The following PTPDC1 variants were observed in gnomAD, a reference collection of about 807,000 sequenced individuals.
The protein encoded by PTPDC1 is protein tyrosine phosphatase domain-containing protein 1.
PTPDC1 carries 53 observed loss-of-function variants against 75.3 expected under a neutral mutation model. The ratio of observed to expected loss-of-function variants is 0.70; its 90% CI spans 0.56 to 0.88. The LOEUF is 0.88. Ranked by LOEUF, PTPDC1 falls within the 40% of genes least tolerant of loss-of-function variation. The probability of loss-of-function intolerance (pLI) is 0.00; values close to 1 mark genes in which losing one functional copy is unlikely to be tolerated. For missense variants in PTPDC1, 925 were observed against 998.6 expected (o/e 0.93, Z 0.99); for synonymous variants, 349 against 366.2 (o/e 0.95, Z 0.54).
intron 2 of PTPDC1, among the ~76,000 whole-genome samples, chr9:94,072,536 G>A (rs538407330): frequency 6.8e-6 from 1 of 147,848 alleles, no homozygotes; most frequent in African/African-American, 2.5e-5. Flanking sequence ...TTTTTTTCTT[G>A]CCTTATCATA....
At chr9:94,059,955 A>G (rs10821288) in intron 1 of PTPDC1, among the ~76,000 whole-genome samples, 11,553 of 152,192 alleles carry the variant, frequency 0.076, 589 homozygotes, top group East Asian at 0.14. Context: ...AAGGAAGGTG[A>G]CTGGTTTTGT....
chr9:94,072,451 TTTC>T (rs1826542682), intron 2 of PTPDC1, among the ~76,000 whole-genome samples: 1 of 152,202 alleles, frequency 6.6e-6, no homozygotes, highest in Non-Finnish European at 1.5e-5. Flanking sequence ...TCCTTGGGAT[TTTC>T]TTACATAAAC....
chr9:94,052,829 G>A (rs1317550593), intron 1 of PTPDC1, among the ~76,000 whole-genome samples: 1 of 152,080 alleles, frequency 6.6e-6, no homozygotes, highest in African/African-American at 2.4e-5. Flanking sequence ...GATCTGATGG[G>A]TATCAATTAG....
At chr9:94,051,879 G>C (rs1825802459) in intron 1 of PTPDC1, among the ~76,000 whole-genome samples, 1 of 152,068 alleles carries the variant, frequency 6.6e-6, no homozygotes, top group South Asian at 2.1e-4. Context: ...TTAGTGGTCT[G>C]TCATTTCCTT....
chr9:94,088,384 T>A (rs1827152198), intron 4 of PTPDC1, 121 bp downstream of exon 4: 1 of 1,173,600 alleles, frequency 8.5e-7, no homozygotes, highest in Non-Finnish European at 1.2e-6. Context: ...ATAGTAAGGT[T>A]TAGAAAAAAT....
In PTPDC1 at chr9:94,084,513, C is replaced by T. The variant is rs1826993144; in HGVS notation, c.-18C>T. 2 of 1,607,898 alleles carry T rather than the reference C, an allele frequency of 1.2e-6. No individual in the cohort carries two copies. Among genetic ancestry groups the T allele is most frequent in the Admixed American group, 3.3e-5 (2 of 59,966 alleles). ...TGGGGCTGACTCTTCCTGCCTCCGGCTCTTGCCTCCCAGTGCCATGCAGGT... is the reference window on the plus strand; with the variant it reads ...TGGGGCTGACTCTTCCTGCCTCCGGTTCTTGCCTCCCAGTGCCATGCAGGT... On this transcript the variant is annotated 5_prime_UTR_variant, in exon 1 of 9. Transcript: ENST00000620992.
chr9:94,035,361 C>T (rs548171286), intron 1 of PTPDC1, among the ~76,000 whole-genome samples: 1 of 152,346 alleles, frequency 6.6e-6, no homozygotes, highest in South Asian at 2.1e-4. Flanking sequence ...AACCACCATT[C>T]TGTTCTCTGC....
upstream of PTPDC1, among the ~76,000 whole-genome samples, chr9:94,083,648 A>G (rs1387963634): frequency 6.6e-6 from 1 of 152,152 alleles, no homozygotes; most frequent in African/African-American, 2.4e-5. Context: ...TATATCCTTT[A>G]TCTTCAAGTT....
chr9:94,069,496 AC>A (rs1281084180), intron 2 of PTPDC1, among the ~76,000 whole-genome samples: 1 of 151,206 alleles, frequency 6.6e-6, no homozygotes, highest in African/African-American at 2.4e-5. Flanking sequence ...ATTGAAAACC[AC>A]AAGTTCACTT....
intron 2 of PTPDC1, among the ~76,000 whole-genome samples, chr9:94,077,630 G>A (rs988298883): frequency 6.6e-6 from 1 of 152,148 alleles, no homozygotes; most frequent in Non-Finnish European, 1.5e-5. Context: ...CTGACCCCAA[G>A]TGTGCCACCC....
intron 2 of PTPDC1, among the ~76,000 whole-genome samples, chr9:94,070,712 C>T (rs142954876): frequency 0.015 from 2,223 of 152,242 alleles, 41 homozygotes; most frequent in African/African-American, 0.05. Flanking sequence ...ATCTGTTCCC[C>T]AGTTCTATAA....
In PTPDC1 at chr9:94,104,272, C is replaced by A; in HGVS notation, c.2200-3C>A. 6.3e-7 allele frequency: 1 copy of A among 1,593,844 alleles called. No individual in the cohort carries two copies. Among genetic ancestry groups the A allele is most frequent in the Non-Finnish European group, 8.6e-7 (1 of 1,165,500 alleles). On this transcript the variant is annotated splice_region_variant and splice_polypyrimidine_tract_variant and intron_variant, in intron 7 of 8. Transcript: ENST00000620992. ...TTTTAAATTTTGATTTCTACAAAAACAGGGACAGCACCAGACTATTCTCTG... is the reference window on the plus strand; with the variant it reads ...TTTTAAATTTTGATTTCTACAAAAAAAGGGACAGCACCAGACTATTCTCTG...
At chr9:94,065,545 G>T (rs370982996) in intron 2 of PTPDC1, among the ~76,000 whole-genome samples, 1 of 152,300 alleles carries the variant, frequency 6.6e-6, no homozygotes, top group South Asian at 2.1e-4. Context: ...AAGGAGTAAG[G>T]GTCTAACTAA....
intron 2 of PTPDC1, among the ~76,000 whole-genome samples, chr9:94,073,345 T>C (rs972161479): frequency 6.6e-6 from 1 of 152,218 alleles, no homozygotes; most frequent in Non-Finnish European, 1.5e-5. Context: ...ATCCTTTAAA[T>C]GGATGCCAGA....
Position 94,085,376 on chromosome 9 carries a change from C to G in PTPDC1, c.370C>G (p.Arg124Gly). ...GRACKYENPARWSEQEQAIKG... is the reference protein window; with the variant it reads ...GRACKYENPAGWSEQEQAIKG... ...AGCTTGCAAGTATGAGAACCCAGCC[C>G]GCTGGAGTGAGCAGGAGCAAGCCAT... The change falls in exon 2 of 9, where the codon CGC (arginine) becomes GGC (glycine). Residue 124 changes from arginine (R) to glycine (G), a missense_variant. Physicochemically the swap from Arg to Gly is moderately radical, Grantham distance 125. Transcript: ENST00000620992. The G allele has an allele frequency of 6.2e-7, 1 of 1,614,194 alleles. No individual in the cohort carries two copies. Among genetic ancestry groups the G allele is most frequent in the Non-Finnish European group, 8.5e-7 (1 of 1,180,034 alleles).
chr9:94,066,399 T>C (rs1428824019), intron 2 of PTPDC1, among the ~76,000 whole-genome samples: 1 of 152,170 alleles, frequency 6.6e-6, no homozygotes, highest in African/African-American at 2.4e-5. Flanking sequence ...GGATGGGAAG[T>C]ATTTTTTTAA....
chr9:94,065,558 G>T (rs1007537937), intron 2 of PTPDC1, among the ~76,000 whole-genome samples: 3 of 152,194 alleles, frequency 2.0e-5, no homozygotes, highest in African/African-American at 7.2e-5. Context: ...CTAACTAAAG[G>T]TATTGAGTTC....
At chr9:94,040,931 C>T (rs908266399) in intron 1 of PTPDC1, among the ~76,000 whole-genome samples, 4 of 152,188 alleles carry the variant, frequency 2.6e-5, no homozygotes, top group African/African-American at 9.7e-5. Context: ...GTTTCTGATA[C>T]TTTATATCAG....
At chr9:94,080,810 G>A (rs993201508), upstream of PTPDC1, among the ~76,000 whole-genome samples, 1 of 152,150 alleles carries the variant, frequency 6.6e-6, no homozygotes, top group African/African-American at 2.4e-5. Flanking sequence ...AGTGAAGCTT[G>A]AATGAGGTCT....
Sources: gnomAD v4.1 joint callset for allele counts (sites outside exome capture counted in the v4.1 genomes callset) on GRCh38, gnomAD v4.1.1 for gene constraint, MANE v1.5 for transcripts, NCBI Gene and HGNC (gene_info 2026-07-23, HGNC 2026-07-21) for gene names.